SYNDIG1L: variants seen among roughly 807,000 people sequenced by gnomAD.
SYNDIG1L encodes the protein synapse differentiation inducing 1 like.
In SYNDIG1L, 13 loss-of-function variants were observed where a neutral mutation model predicts 20.1. The observed-to-expected ratio is 0.65, with a 90% CI of 0.42 to 1.03. SYNDIG1L has a LOEUF of 1.03. Among genes scored for constraint, SYNDIG1L ranks in the 50% least tolerant of loss-of-function variants. The probability of loss-of-function intolerance (pLI) is 0.00; values close to 1 mark genes in which losing one functional copy is unlikely to be tolerated. For synonymous variants in SYNDIG1L, 128 were observed against 129.3 expected (o/e 0.99, Z 0.07); for missense variants, 294 against 305.1 (o/e 0.96, Z 0.27).
chr14:74,418,550 G>A (rs1453651698), intron 1 of SYNDIG1L, among the ~76,000 whole-genome samples: 1 of 152,158 alleles, frequency 6.6e-6, no homozygotes, highest in Non-Finnish European at 1.5e-5. Context: ...GGAAGAGTTA[G>A]GGGGTCTATG....
At chr14:74,467,459 G>A in the SYNDIG1L span, among the ~76,000 whole-genome samples, 2 of 152,036 alleles carry the variant, frequency 1.3e-5, no homozygotes, top group South Asian at 4.1e-4. Flanking sequence ...GGGGCAGGGG[G>A]CTCAGATTAT....
chr14:74,472,518 C>A, the SYNDIG1L span, among the ~76,000 whole-genome samples: 9 of 152,284 alleles, frequency 5.9e-5, no homozygotes, highest in Admixed American at 3.9e-4. Context: ...CAGTGATGAG[C>A]AAAATGGAAA....
the SYNDIG1L span, among the ~76,000 whole-genome samples, chr14:74,458,217 G>A: frequency 0.012 from 1,825 of 152,272 alleles, 42 homozygotes; most frequent in African/African-American, 0.041. Flanking sequence ...TTTACTGAGT[G>A]TAGTCTGTAT....
At chr14:74,448,129 T>C in the SYNDIG1L span, among the ~76,000 whole-genome samples, 5 of 151,950 alleles carry the variant, frequency 3.3e-5, no homozygotes, top group African/African-American at 1.2e-4. Flanking sequence ...AGAAAACAAA[T>C]ACTAGGATGA....
At chr14:74,410,430 G>A (rs2086121741) in intron 1 of SYNDIG1L, among the ~76,000 whole-genome samples, 1 of 152,234 alleles carries the variant, frequency 6.6e-6, no homozygotes, top group Admixed American at 6.5e-5. Context: ...GCGATGGGGT[G>A]TGGGGGCCAG....
At chr14:74,425,567 G>T (rs748598119) in intron 1 of SYNDIG1L, among the ~76,000 whole-genome samples, 5 of 152,186 alleles carry the variant, frequency 3.3e-5, no homozygotes, top group Non-Finnish European at 7.4e-5. Context: ...TGCTAGTGTC[G>T]CAAAACCTTG....
chr14:74,418,750 G>A (rs1214327850), intron 1 of SYNDIG1L, among the ~76,000 whole-genome samples: 1 of 152,154 alleles, frequency 6.6e-6, no homozygotes, highest in African/African-American at 2.4e-5. Context: ...ATGCTGGAAA[G>A]GCCATGTGTG....
At chr14:74,414,408 C>T (rs1396849529) in intron 1 of SYNDIG1L, among the ~76,000 whole-genome samples, 1 of 152,130 alleles carries the variant, frequency 6.6e-6, no homozygotes, top group Non-Finnish European at 1.5e-5. Flanking sequence ...GGCCGCAGCA[C>T]CCAGGTTGTC....
the SYNDIG1L span, among the ~76,000 whole-genome samples, chr14:74,470,923 G>C: frequency 6.6e-6 from 1 of 152,110 alleles, no homozygotes; most frequent in Non-Finnish European, 1.5e-5. Context: ...TGATCTCAGG[G>C]GTTCCCTGGG....
chr14:74,408,363 A>G (rs1159739267), intron 2 of SYNDIG1L, among the ~76,000 whole-genome samples: 2 of 152,126 alleles, frequency 1.3e-5, no homozygotes, highest in Non-Finnish European at 2.9e-5. Context: ...CAGGAGTTCG[A>G]GGCCAGCCTG....
At chr14:74,423,241 C>A (rs909560810) in intron 1 of SYNDIG1L, among the ~76,000 whole-genome samples, 3 of 152,154 alleles carry the variant, frequency 2.0e-5, no homozygotes. Flanking sequence ...GCCTGGGTGA[C>A]CAGAGATGCC....
upstream of SYNDIG1L, among the ~76,000 whole-genome samples, chr14:74,427,970 G>T (rs559693873): frequency 5.3e-4 from 81 of 152,340 alleles, no homozygotes; most frequent in African/African-American, 1.9e-3. Flanking sequence ...CTAATTGAAA[G>T]GATAATAAAA....
the SYNDIG1L span, among the ~76,000 whole-genome samples, chr14:74,438,222 C>G: frequency 2.0e-5 from 3 of 152,094 alleles, no homozygotes; most frequent in Non-Finnish European, 4.4e-5. Context: ...TGTTAAGTAA[C>G]CTTATGGTGG....
intron 2 of SYNDIG1L, 65 bp downstream of exon 2, chr14:74,409,263 T>G: frequency 8.0e-7 from 1 of 1,251,006 alleles, no homozygotes; most frequent in Non-Finnish European, 1.1e-6. Flanking sequence ...TTTTTTTTTT[T>G]TGTAGAGTCG....
chr14:74,424,517 G>A (rs2086249552), intron 1 of SYNDIG1L, among the ~76,000 whole-genome samples: 1 of 152,026 alleles, frequency 6.6e-6, no homozygotes, highest in African/African-American at 2.4e-5. Flanking sequence ...TGGTTCTTAG[G>A]GAGAAAAAAT....
chr14:74,478,958 A>G, the SYNDIG1L span, among the ~76,000 whole-genome samples: 1 of 152,190 alleles, frequency 6.6e-6, no homozygotes, highest in Non-Finnish European at 1.5e-5. Flanking sequence ...TCACACTGGT[A>G]GTCCTGTTAA....
chr14:74,457,600 C>T, the SYNDIG1L span, among the ~76,000 whole-genome samples: 1 of 151,650 alleles, frequency 6.6e-6, no homozygotes, highest in Admixed American at 6.6e-5. Flanking sequence ...CCTCTCCCTG[C>T]TTCCTATTCC....
chr14:74,421,960 C>T (rs777394901), intron 1 of SYNDIG1L, among the ~76,000 whole-genome samples: 3 of 152,182 alleles, frequency 2.0e-5, no homozygotes, highest in Non-Finnish European at 4.4e-5. Context: ...AAGCATAATC[C>T]ACCTGCTTGG....
At chr14:74,477,756 G>A in the SYNDIG1L span, among the ~76,000 whole-genome samples, 1 of 152,144 alleles carries the variant, frequency 6.6e-6, no homozygotes, top group East Asian at 1.9e-4. Context: ...TAGAATCTGG[G>A]ATTTATCTGT....
Sources: gnomAD v4.1 joint callset for allele counts (sites outside exome capture counted in the v4.1 genomes callset) on GRCh38, gnomAD v4.1.1 for gene constraint, MANE v1.5 for transcripts, NCBI Gene and HGNC (gene_info 2026-07-23, HGNC 2026-07-21) for gene names.